ACSM6: variants seen among roughly 807,000 people sequenced by gnomAD.
ACSM6 encodes acyl-coenzyme A synthetase ACSM6, mitochondrial.
In ACSM6, 35 loss-of-function variants were observed where a neutral mutation model predicts 51.1. The observed-to-expected ratio is 0.69, with a 90% CI of 0.52 to 0.91. The LOEUF (loss-of-function observed/expected upper bound fraction) is 0.91. Ranked by LOEUF, ACSM6 falls within the 40% of genes least tolerant of loss-of-function variation. ACSM6 has a pLI of 0.00. For synonymous variants in ACSM6, 172 were observed against 207.3 expected (o/e 0.83, Z 1.46); for missense variants, 509 against 584.1 (o/e 0.87, Z 1.32).
At chr10:95,209,674 TTAAAATAATTTTTAATTAAATTA>T (rs1433462598) in intron 4 of ACSM6, among the ~76,000 whole-genome samples, 1 of 152,092 alleles carries the variant, frequency 6.6e-6, no homozygotes, top group African/African-American at 2.4e-5. Flanking sequence ...TATTTTAATT[TTAAAATAATTTTTAATTAAATTA>T]TAAAATAATT....
At chr10:95,201,940 G>T (rs559069068) in intron 2 of ACSM6, 45 bp from the exon 3 acceptor site, 54 of 1,519,416 alleles carry the variant, frequency 3.6e-5, no homozygotes, top group Non-Finnish European at 4.7e-5. Context: ...CATAGCCAAT[G>T]TCCATGCTGA....
chr10:95,199,212 C>G (rs1020675783), intron 2 of ACSM6, among the ~76,000 whole-genome samples: 17 of 152,234 alleles, frequency 1.1e-4, no homozygotes, highest in African/African-American at 4.1e-4. Context: ...CTACAACTAT[C>G]TGATCTTTGA....
intron 8 of ACSM6, 144 bp downstream of exon 8, chr10:95,215,119 G>A: frequency 2.2e-6 from 2 of 924,012 alleles, no homozygotes; most frequent in Non-Finnish European, 3.2e-6. Context: ...AAACTAGGGA[G>A]ACCCCTCTTC....
intron 8 of ACSM6, 127 bp downstream of exon 8, chr10:95,215,102 A>G: frequency 1.7e-6 from 2 of 1,186,018 alleles, no homozygotes; most frequent in Non-Finnish European, 2.3e-6. Context: ...GGAAGAGGAA[A>G]TGGCTTAAAC....
At chr10:95,205,879 G>A (rs2034834787) in intron 3 of ACSM6, among the ~76,000 whole-genome samples, 1 of 152,130 alleles carries the variant, frequency 6.6e-6, no homozygotes, top group Non-Finnish European at 1.5e-5. Flanking sequence ...GCTATAAGAT[G>A]GCAATCAGTG....
chr10:95,220,575 G>A (rs1258197071), intron 9 of ACSM6, among the ~76,000 whole-genome samples: 1 of 152,072 alleles, frequency 6.6e-6, no homozygotes, highest in Admixed American at 6.6e-5. Flanking sequence ...CGCCTATCTC[G>A]CCTTTTTTTA....
At chr10:95,221,911 G>A (rs639937) in intron 9 of ACSM6, among the ~76,000 whole-genome samples, 25,657 of 151,900 alleles carry the variant, frequency 0.17, 2,345 homozygotes, top group Middle Eastern at 0.4. Flanking sequence ...GGTAGAGAAG[G>A]AACTTACCTC....
exon 11 of ACSM6, chr10:95,228,790 TTG>T (rs2035066057): frequency 1.3e-6 from 2 of 1,550,810 alleles, no homozygotes; most frequent in Admixed American, 3.9e-5. Flanking sequence ...TGTGAATGCT[TTG>T]GTTATTGCTA....
At chr10:95,195,605 C>T (rs1208831634) in intron 2 of ACSM6, among the ~76,000 whole-genome samples, 4 of 152,146 alleles carry the variant, frequency 2.6e-5, no homozygotes, top group Non-Finnish European at 1.5e-5. Context: ...GCTGGTGGTG[C>T]CCGCAGGAGA....
chr10:95,202,036 G>A lies in ACSM6; in HGVS notation c.244G>A (p.Glu82Lys). ...CCTCTGGAAGGTTAGTGCCAAAGGA[G>A]AAGAGGACAAATGGAGCTTTGAAAG... The change falls in exon 3 of 11, where the codon GAA becomes AAA. Residue 82 changes from glutamate to lysine, a missense_variant. Transcript: ENST00000341686. 1.9e-6 allele frequency: 3 copies of A among 1,551,808 alleles called. No individual in the cohort carries two copies. In the South Asian group the frequency reaches 3.6e-5, roughly 18 times the overall value.
chr10:95,202,751 C>G (rs1427591208), intron 3 of ACSM6, among the ~76,000 whole-genome samples: 1 of 151,750 alleles, frequency 6.6e-6, no homozygotes, highest in Non-Finnish European at 1.5e-5. Context: ...TGATGAAACC[C>G]CAACTCCACT....
intron 3 of ACSM6, among the ~76,000 whole-genome samples, chr10:95,203,139 C>T (rs545426127): frequency 6.6e-6 from 1 of 152,098 alleles, no homozygotes; most frequent in Non-Finnish European, 1.5e-5. Flanking sequence ...TCAGAGGTGG[C>T]ATTAGATTCT....
chr10:95,228,679 C>T (rs1179823050), exon 11 of ACSM6: 12 of 1,551,666 alleles, frequency 7.7e-6, no homozygotes, highest in Non-Finnish European at 9.6e-6. Flanking sequence ...CAAGAGGCCA[C>T]ATGCTTTACC....
intron 2 of ACSM6, among the ~76,000 whole-genome samples, chr10:95,198,838 A>G (rs987880471): frequency 6.6e-6 from 1 of 152,142 alleles, no homozygotes; most frequent in South Asian, 2.1e-4. Flanking sequence ...ATCCCTGCCA[A>G]TTCTCATTGT....
intron 9 of ACSM6, among the ~76,000 whole-genome samples, chr10:95,221,583 T>C (rs2133391794): frequency 6.7e-6 from 1 of 149,956 alleles, no homozygotes; most frequent in South Asian, 2.1e-4. Context: ...CAAAACTCCA[T>C]CTCAAAAAAA....
intron 3 of ACSM6, among the ~76,000 whole-genome samples, chr10:95,204,009 T>C (rs2034818960): frequency 6.6e-6 from 1 of 152,136 alleles, no homozygotes; most frequent in Non-Finnish European, 1.5e-5. Flanking sequence ...GTTTCCCCAG[T>C]TCCCAATGGA....
At chr10:95,199,639 TCAAA>T (rs563884979) in intron 2 of ACSM6, among the ~76,000 whole-genome samples, 22 of 151,980 alleles carry the variant, frequency 1.4e-4, no homozygotes, top group African/African-American at 5.1e-4. Context: ...TACAATGAAC[TCAAA>T]CAAATTCACA....
intron 8 of ACSM6, among the ~76,000 whole-genome samples, chr10:95,216,299 A>G (rs1195346094): frequency 1.3e-5 from 2 of 151,940 alleles, no homozygotes; most frequent in African/African-American, 2.4e-5. Flanking sequence ...TCTAAACCCA[A>G]TGACCTCCCA....
intron 3 of ACSM6, among the ~76,000 whole-genome samples, chr10:95,203,084 C>T (rs994017504): frequency 5.9e-5 from 9 of 152,134 alleles, no homozygotes; most frequent in Non-Finnish European, 1.3e-4. Flanking sequence ...TTTACAGCCA[C>T]TCCCCATTGC....
Sources: gnomAD v4.1 joint callset for allele counts (sites outside exome capture counted in the v4.1 genomes callset) on GRCh38, gnomAD v4.1.1 for gene constraint, MANE v1.5 for transcripts, NCBI Gene and HGNC (gene_info 2026-07-23, HGNC 2026-07-21) for gene names.